Variants in PIEZO2 observed in about 807,000 individuals in gnomAD.
The protein encoded by PIEZO2 is piezo type mechanosensitive ion channel component 2, also known as piezo-type mechanosensitive ion channel component 2.
In PIEZO2, 172 loss-of-function variants were observed where a neutral mutation model predicts 337.3. The ratio of observed to expected loss-of-function variants is 0.51; its 90% CI spans 0.45 to 0.58. The LOEUF (loss-of-function observed/expected upper bound fraction) is 0.58. Ranked by LOEUF, PIEZO2 falls within the 20% of genes least tolerant of loss-of-function variation. PIEZO2 has a pLI of 0.00. For missense variants in PIEZO2, 3,028 were observed against 3,391.3 expected (o/e 0.89, Z 2.66); for synonymous variants, 1,251 against 1,228.5 (o/e 1.02, Z -0.38).
intron 3 of PIEZO2, among the ~76,000 whole-genome samples, chr18:10,941,340 A>G (rs1270233225): frequency 6.6e-6 from 1 of 152,178 alleles, no homozygotes; most frequent in Non-Finnish European, 1.5e-5. Context: ...CTCTGAGATG[A>G]TTATCAATCC....
rs115232750 is a variant in PIEZO2 at position 11,010,476 on chromosome 18, C to T, written c.161-30816G>A. Among the ~76,000 whole-genome samples, 503 of 152,320 alleles carry T rather than the reference C, an allele frequency of 3.3e-3. 3 individuals are homozygous for T. The highest frequency in any genetic ancestry group is 0.011 in the African/African-American group (475 of 41,566). ...GCCAAGTCTGACTCTGCAAACTCCA[C>T]ACGGGTCCACAACACCACTAGGAAC... On this transcript the variant is annotated intron_variant, in intron 2 of 55. Coordinates refer to ENST00000674853, the MANE Select transcript of PIEZO2 (RefSeq NM_001378183.1).
At chr18:10,950,507 C>T (rs891829545) in intron 3 of PIEZO2, among the ~76,000 whole-genome samples, 24 of 152,104 alleles carry the variant, frequency 1.6e-4, no homozygotes, top group Admixed American at 1.1e-3. Flanking sequence ...ATCTGATCAC[C>T]GGGTGAATAT....
chr18:10,744,453 C>G (rs541546536), intron 30 of PIEZO2, among the ~76,000 whole-genome samples: 22 of 152,272 alleles, frequency 1.4e-4, no homozygotes, highest in African/African-American at 5.3e-4. Flanking sequence ...GGGCTGCTCA[C>G]AAGCCCAGTA....
chr18:10,731,371 G>T, intron 36 of PIEZO2, 36 bp downstream of exon 36: 1 of 1,447,498 alleles, frequency 6.9e-7, no homozygotes, highest in Non-Finnish European at 9.3e-7. Flanking sequence ...CCTGAAACCT[G>T]CCACACCCAC....
intron 45 of PIEZO2, among the ~76,000 whole-genome samples, chr18:10,697,349 A>T (rs1000170654): frequency 6.6e-6 from 1 of 152,168 alleles, no homozygotes; most frequent in South Asian, 2.1e-4. Flanking sequence ...GTGTATGACC[A>T]TGGACAAAGC....
chr18:10,688,450 T>A (rs902915732), intron 49 of PIEZO2, among the ~76,000 whole-genome samples: 7 of 152,228 alleles, frequency 4.6e-5, no homozygotes, highest in Non-Finnish European at 1.0e-4. Context: ...AGACAACTGA[T>A]ATATCTGTCG....
At chr18:10,799,704 G>A (rs2039737479) in intron 11 of PIEZO2, among the ~76,000 whole-genome samples, 1 of 152,150 alleles carries the variant, frequency 6.6e-6, no homozygotes, top group South Asian at 2.1e-4. Context: ...CGGGTGCGGT[G>A]GCCCACCCCT....
chr18:10,773,762 C>T lies in PIEZO2; in HGVS notation c.2568-133G>A, dbSNP rs144276607. ...AAGACCTCACAAGGTGGGGTGTTAG[C>T]GTTTTGTCACTTTCTTTTTGGTTGG... On this transcript the variant is annotated intron_variant, in intron 19 of 55. Coordinates refer to ENST00000674853, the MANE Select transcript of PIEZO2 (RefSeq NM_001378183.1). This position sits in a 1 kb window ranked among gnomAD's most constrained non-coding sequence, Gnocchi z 5.3. 7.3e-6 allele frequency: 6 copies of T among 823,932 alleles called. No homozygotes were observed. The East Asian group carries it at 8.0e-5, about 11-fold the overall frequency. The allele number at this position is 823,932 out of a possible 1,614,324, so 51.0% of individuals were successfully genotyped here. A position where few individuals can be genotyped will look rare whatever the true frequency, so the allele number is the denominator to read the frequency against.
At position 10,853,191 on chromosome 18, in the gene PIEZO2, A is replaced by G. The variant is rs1177242194; in HGVS notation, c.917+2162T>C. Among the ~76,000 whole-genome samples the G allele has an allele frequency of 6.6e-6, 1 of 152,174 alleles. No homozygotes were observed. The highest frequency in any genetic ancestry group is 2.4e-5 in the African/African-American group (1 of 41,450). ...AACAGACTACATGCAGCCCCTCCCAAGGGCTGGCAGGCCACTGTGCATGCA... is the reference window on the plus strand; with the variant it reads ...AACAGACTACATGCAGCCCCTCCCAGGGGCTGGCAGGCCACTGTGCATGCA... On this transcript the variant is annotated intron_variant, in intron 7 of 55. Coordinates refer to ENST00000674853, the MANE Select transcript of PIEZO2 (RefSeq NM_001378183.1). The surrounding 1 kb of genome is among the most constrained non-coding windows in gnomAD (Gnocchi z 4.2).
At chr18:11,147,692 G>A (rs1217708847) in intron 1 of PIEZO2, among the ~76,000 whole-genome samples, 1 of 152,232 alleles carries the variant, frequency 6.6e-6, no homozygotes, top group Non-Finnish European at 1.5e-5. Context: ...CACAGGCACT[G>A]CCTGTTTGAG....
At chr18:10,989,753 A>T (rs749951650) in intron 2 of PIEZO2, among the ~76,000 whole-genome samples, 23 of 152,204 alleles carry the variant, frequency 1.5e-4, no homozygotes, top group Non-Finnish European at 7.4e-5. Context: ...AGCTAAAGCT[A>T]TTGTAGATAA....
chr18:10,704,382 G>T lies in PIEZO2; in HGVS notation c.6258+12C>A. Reference sequence around the variant, plus strand: ...CCTGAAGCCATCCACAGGGGTCTGCGTCCAGGCCTACCTCAGTATAGACGA... The same window carrying T: ...CCTGAAGCCATCCACAGGGGTCTGCTTCCAGGCCTACCTCAGTATAGACGA... On this transcript the variant is annotated intron_variant, in intron 42 of 55. Coordinates refer to ENST00000674853, the MANE Select transcript of PIEZO2 (RefSeq NM_001378183.1). The T allele has an allele frequency of 2.0e-6, 3 of 1,536,726 alleles. No individual in the cohort carries two copies. The highest frequency in any genetic ancestry group is 1.4e-5 in the African/African-American group (1 of 73,146).
rs959828995 is a variant in PIEZO2 at position 10,847,976 on chromosome 18, G to A, written c.917+7377C>T. ...TTTGTTTTTCTCCACACACTGGACC[G>A]ATTTCAGATGAAGGTTTTGCCAACT... On this transcript the variant is annotated intron_variant, in intron 7 of 55. Coordinates refer to ENST00000674853, the MANE Select transcript of PIEZO2 (RefSeq NM_001378183.1). This position sits in a 1 kb window ranked among gnomAD's most constrained non-coding sequence, Gnocchi z 5.7. Among the ~76,000 whole-genome samples, 1 of 152,138 alleles carries A rather than the reference G, an allele frequency of 6.6e-6. No individual in the cohort carries two copies. Among genetic ancestry groups the A allele is most frequent in the Non-Finnish European group, 1.5e-5 (1 of 68,034 alleles).
chr18:10,727,192 G>T lies in PIEZO2; in HGVS notation c.5029+4215C>A. The T allele has an allele frequency of 2.9e-6, 1 of 343,972 alleles. No homozygotes were observed. Among genetic ancestry groups the T allele is most frequent in the Non-Finnish European group, 5.2e-6 (1 of 192,764 alleles). 21.3% of individuals were successfully genotyped at this position (343,972 alleles called of 1,614,324 possible). ...CCTCCTGCCTCCAGCTCTGTGTTGAGCAGAGGGAAGGCATGGGGGCAGGAA... is the reference window on the plus strand; with the variant it reads ...CCTCCTGCCTCCAGCTCTGTGTTGATCAGAGGGAAGGCATGGGGGCAGGAA... On this transcript the variant is annotated intron_variant, in intron 36 of 55. Coordinates refer to ENST00000674853, the MANE Select transcript of PIEZO2 (RefSeq NM_001378183.1). This position sits in a 1 kb window ranked among gnomAD's most constrained non-coding sequence, Gnocchi z 6.3.
At chr18:10,684,870 C>A (rs774905794) in intron 49 of PIEZO2, among the ~76,000 whole-genome samples, 14 of 152,134 alleles carry the variant, frequency 9.2e-5, no homozygotes, top group Non-Finnish European at 1.5e-4. Context: ...GAGATAGTGT[C>A]TTGCTCTGCT....
rs183547309 is a variant in PIEZO2, at chr18:10,895,703, T to C, written c.329+15483A>G. Reference sequence around the variant, plus strand: ...CCCTCTGACCTGCACATTTCATCTCTACCCAATGGACTACCAGCAACAGGT... The same window carrying C: ...CCCTCTGACCTGCACATTTCATCTCCACCCAATGGACTACCAGCAACAGGT... On this transcript the variant is annotated intron_variant, in intron 4 of 55. Transcript: ENST00000674853. This position sits in a 1 kb window ranked among gnomAD's most constrained non-coding sequence, Gnocchi z 4.8. Among the ~76,000 whole-genome samples, 39 of 152,268 alleles carry C rather than the reference T, an allele frequency of 2.6e-4. No homozygotes were observed. The highest frequency in any genetic ancestry group is 9.4e-4 in the African/African-American group (39 of 41,554).
rs2034302753 is a variant in PIEZO2 at position 10,682,351 on chromosome 18, G to A, written c.7498-59C>T. 7.0e-7 allele frequency: 1 copy of A among 1,438,552 alleles called. No individual in the cohort carries two copies. Among genetic ancestry groups the A allele is most frequent in the African/African-American group, 1.4e-5 (1 of 71,034 alleles). 89.1% of individuals were successfully genotyped at this position (1,438,552 alleles called of 1,614,324 possible). A position where few individuals can be genotyped will look rare whatever the true frequency, so the allele number is the denominator to read the frequency against. ...AGGCTCAGGTGCTTTCCCGCAGGCA[G>A]CGGGATTGGGGGAGAGCGAGTGCTC... On this transcript the variant is annotated intron_variant, in intron 49 of 55. Coordinates refer to ENST00000674853, the MANE Select transcript of PIEZO2 (RefSeq NM_001378183.1). The surrounding 1 kb of genome is among the most constrained non-coding windows in gnomAD (Gnocchi z 5.6).
rs1213079694 is a variant in PIEZO2 at position 10,773,087 on chromosome 18, G to A, written c.2785+325C>T. 6.6e-6 allele frequency among the ~76,000 whole-genome samples: 1 copy of A among 152,072 alleles called. No individual in the cohort carries two copies. The highest frequency in any genetic ancestry group is 1.5e-5 in the Non-Finnish European group (1 of 68,040). On this transcript the variant is annotated intron_variant, in intron 20 of 55. Coordinates refer to ENST00000674853, the MANE Select transcript of PIEZO2 (RefSeq NM_001378183.1). This position sits in a 1 kb window ranked among gnomAD's most constrained non-coding sequence, Gnocchi z 5.3. ...AGCCTTTGAGATTCTGCACAGCCAG[G>A]TTGTACCTGCATCTGGTAGAAACAG...
chr18:10,938,928 T>C (rs111480530), intron 3 of PIEZO2, among the ~76,000 whole-genome samples: 1,558 of 151,830 alleles, frequency 0.01, 29 homozygotes, highest in African/African-American at 0.035. Context: ...CTGCTAAAAA[T>C]ACAAAAAAAT....
Sources: gnomAD v4.1 joint callset for allele counts (sites outside exome capture counted in the v4.1 genomes callset) on GRCh38, gnomAD v4.1.1 for gene constraint, Gnocchi (gnomAD v3.1) non-coding constraint, MANE v1.5 for transcripts, NCBI Gene and HGNC (gene_info 2026-07-23, HGNC 2026-07-21) for gene names.